The following PRIM2 variants were observed in gnomAD, a reference collection of about 807,000 sequenced individuals.
The protein encoded by PRIM2 is DNA primase large subunit.
Under a neutral mutation model 67.3 loss-of-function variants are expected in PRIM2, and 39 were observed. The observed-to-expected ratio is 0.58, with a 90% CI of 0.45 to 0.76. The LOEUF (loss-of-function observed/expected upper bound fraction) is 0.76. PRIM2 is among the 30% of genes least tolerant of loss of function. The probability of loss-of-function intolerance (pLI) is 0.00; values close to 1 mark genes in which losing one functional copy is unlikely to be tolerated. For synonymous variants in PRIM2, 143 were observed against 198.7 expected (o/e 0.72, Z 2.36); for missense variants, 398 against 598.7 (o/e 0.66, Z 3.50).
At chr6:57,508,217 A>G (rs1241200611) in intron 8 of PRIM2, among the ~76,000 whole-genome samples, 2 of 152,154 alleles carry the variant, frequency 1.3e-5, no homozygotes, top group Non-Finnish European at 2.9e-5. Flanking sequence ...GATTACAGGC[A>G]TAAGCCACCG....
the PRIM2 span, among the ~76,000 whole-genome samples, chr6:57,274,400 A>G: frequency 6.6e-6 from 1 of 152,038 alleles, no homozygotes; most frequent in African/African-American, 2.4e-5. Context: ...AATGAGCAAG[A>G]CTCCGTGGGC....
At chr6:57,271,377 A>G in the PRIM2 span, among the ~76,000 whole-genome samples, 1 of 152,310 alleles carries the variant, frequency 6.6e-6, no homozygotes, top group South Asian at 2.1e-4. Flanking sequence ...GTGTCAAGGA[A>G]TGTATCCATT....
At chr6:57,477,927 T>C (rs1773514075) in intron 7 of PRIM2, among the ~76,000 whole-genome samples, 1 of 152,230 alleles carries the variant, frequency 6.6e-6, no homozygotes, top group Non-Finnish European at 1.5e-5. Flanking sequence ...TAACGGATCA[T>C]CTATGTCAGT....
intron 12 of PRIM2, among the ~76,000 whole-genome samples, chr6:57,622,700 A>T (rs1251033417): frequency 6.6e-6 from 1 of 152,166 alleles, no homozygotes; most frequent in African/African-American, 2.4e-5. Flanking sequence ...CTTCTAAGAA[A>T]CTTAAGAGTG....
the PRIM2 span, among the ~76,000 whole-genome samples, chr6:57,229,562 A>G: frequency 6.6e-6 from 1 of 151,694 alleles, no homozygotes; most frequent in East Asian, 1.9e-4. Context: ...ATCTTGGCTC[A>G]CTACAGCCTC....
chr6:57,594,461 A>G lies in PRIM2; in HGVS notation c.1021-6632A>G, dbSNP rs1304578053. On this transcript the variant is annotated intron_variant, in intron 10 of 13. Transcript: ENST00000615550. The stretch of plus-strand genomic sequence containing the variant: ...GTTATTGGCAAAAGGACAGACATAT[A>G]GATCAGTGGGGTCCAGTTGGATCTG... 1.1e-4 allele frequency among the ~76,000 whole-genome samples: 17 copies of G among 152,372 alleles called. No individual in the cohort carries two copies. The South Asian group carries it at 3.5e-3, about 32-fold the overall frequency.
intron 10 of PRIM2, among the ~76,000 whole-genome samples, chr6:57,564,877 T>TA (rs1479029320): frequency 2.0e-4 from 31 of 152,378 alleles, no homozygotes; most frequent in Middle Eastern, 3.4e-3. Context: ...CTGTTGCACT[T>TA]ACTCTGCTGC....
the PRIM2 span, among the ~76,000 whole-genome samples, chr6:57,283,270 C>T: frequency 6.6e-6 from 1 of 152,130 alleles, no homozygotes; most frequent in African/African-American, 2.4e-5. Context: ...TCTTCTCTTC[C>T]CCAGGGCTTA....
rs562166415 is a variant in PRIM2, at chr6:57,329,675, C to T, written c.459+3630C>T. 3.3e-5 allele frequency among the ~76,000 whole-genome samples: 5 copies of T among 152,230 alleles called. No individual in the cohort carries two copies. The South Asian group carries it at 8.3e-4, about 25-fold the overall frequency. On this transcript the variant is annotated intron_variant, in intron 5 of 13. Transcript: ENST00000615550. ...CCCCTGCCGCCCTGTGAAGAGGTGC[C>T]ATCTGCCATGATTGTAAGTTTCCTG... is the stretch of plus-strand genomic sequence containing the variant.
chr6:57,525,282 T>G (rs1160605894), intron 8 of PRIM2, among the ~76,000 whole-genome samples: 2 of 152,236 alleles, frequency 1.3e-5, no homozygotes, highest in African/African-American at 4.8e-5. Flanking sequence ...TAATAAACTT[T>G]AATCACATAC....
chr6:57,387,932 A>G (rs577962137), intron 7 of PRIM2, among the ~76,000 whole-genome samples: 2 of 152,016 alleles, frequency 1.3e-5, no homozygotes, highest in East Asian at 3.9e-4. Flanking sequence ...TGTAAATGAC[A>G]TGAAGGAGCC....
At chr6:57,489,505 C>T (rs75001473) in intron 7 of PRIM2, among the ~76,000 whole-genome samples, 2 of 144,702 alleles carry the variant, frequency 1.4e-5, no homozygotes, top group Non-Finnish European at 3.1e-5. Flanking sequence ...TGCATTGAGC[C>T]GAGATCGTTC....
intron 8 of PRIM2, among the ~76,000 whole-genome samples, chr6:57,529,511 G>A (rs1320180467): frequency 1.3e-5 from 2 of 152,232 alleles, no homozygotes; most frequent in South Asian, 2.1e-4. Context: ...TTAAATGGCA[G>A]CTATCAATTT....
intron 7 of PRIM2, among the ~76,000 whole-genome samples, chr6:57,465,310 A>G (rs1773147529): frequency 1.3e-5 from 2 of 152,152 alleles, no homozygotes; most frequent in Admixed American, 6.5e-5. Flanking sequence ...CAGTTTCTGA[A>G]TCAGAAGCTA....
intron 8 of PRIM2, among the ~76,000 whole-genome samples, chr6:57,514,137 C>T (rs1304876155): frequency 1.3e-5 from 2 of 152,128 alleles, no homozygotes; most frequent in Non-Finnish European, 2.9e-5. Flanking sequence ...GGTATTATTA[C>T]TAGTTTTGTA....
chr6:57,254,261 T>C, the PRIM2 span, among the ~76,000 whole-genome samples: 2 of 152,238 alleles, frequency 1.3e-5, no homozygotes, highest in East Asian at 3.8e-4. Flanking sequence ...GGCAATAACC[T>C]ATACCATGCA....
chr6:57,571,073 T>C (rs1775854788), intron 10 of PRIM2, among the ~76,000 whole-genome samples: 1 of 152,116 alleles, frequency 6.6e-6, no homozygotes, highest in African/African-American at 2.4e-5. Flanking sequence ...CATATTGAGG[T>C]ATCTAAAACC....
At chr6:57,543,160 C>T (rs1775211607) in intron 10 of PRIM2, among the ~76,000 whole-genome samples, 3 of 150,854 alleles carry the variant, frequency 2.0e-5, no homozygotes, top group South Asian at 2.1e-4. Context: ...AGGATGGTCT[C>T]GATCTCCTGA....
At chr6:57,542,744 G>C (rs1470451190) in intron 10 of PRIM2, among the ~76,000 whole-genome samples, 2 of 151,362 alleles carry the variant, frequency 1.3e-5, no homozygotes, top group Non-Finnish European at 2.9e-5. Flanking sequence ...TTGTTACATA[G>C]TCCGTATTGT....
Sources: gnomAD v4.1 joint callset for allele counts (sites outside exome capture counted in the v4.1 genomes callset) on GRCh38, gnomAD v4.1.1 for gene constraint, MANE v1.5 for transcripts, NCBI Gene and HGNC (gene_info 2026-07-23, HGNC 2026-07-21) for gene names.